FMN1: variants seen among roughly 807,000 people sequenced by gnomAD.
FMN1 encodes the protein formin-1.
In FMN1, 110 loss-of-function variants were observed where a neutral mutation model predicts 132.4. The observed-to-expected ratio is 0.83, with a 90% CI of 0.71 to 0.97. FMN1 has a LOEUF of 0.97. FMN1 is among the 50% of genes least tolerant of loss of function. The pLI, the probability that FMN1 is intolerant of heterozygous loss-of-function variation, is 0.00. For synonymous variants in FMN1, 722 were observed against 651.7 expected, an observed-to-expected ratio of 1.11 and a Z score of -1.64; for missense variants, 1,792 against 1,705.3, an observed-to-expected ratio of 1.05 and a Z score of -0.90.
chr15:32,952,670 T>C (rs1465744853), intron 9 of FMN1, among the ~76,000 whole-genome samples: 1 of 152,196 alleles, frequency 6.6e-6, no homozygotes, highest in African/African-American at 2.4e-5. Flanking sequence ...ATTAACCCCC[T>C]GGTACTTGCA....
chr15:32,936,697 G>C (rs374098522), intron 9 of FMN1, among the ~76,000 whole-genome samples: 2 of 151,834 alleles, frequency 1.3e-5, no homozygotes, highest in African/African-American at 4.8e-5. Context: ...GAAGGAAGGA[G>C]AAGAAAGAAG....
rs116754712 is a variant in FMN1 at position 33,111,807 on chromosome 15, T to A, written c.1868-22833A>T. ...GACGGGGTTGTGGGAAAATGGTGAG[T>A]GACTTCTGATGGTATGGGGGTTTTG... On this transcript the variant is annotated intron_variant, in intron 4 of 20. Coordinates refer to ENST00000616417, the MANE Select transcript of FMN1 (RefSeq NM_001277313.2). Among the ~76,000 whole-genome samples the A allele has an allele frequency of 6.4e-3, 980 of 152,096 alleles. 13 individuals are homozygous for A. The highest frequency in any genetic ancestry group is 0.022 in the African/African-American group (926 of 41,498).
intron 7 of FMN1, among the ~76,000 whole-genome samples, chr15:32,991,309 T>TG (rs1348563271): frequency 2.0e-5 from 3 of 152,216 alleles, no homozygotes; most frequent in African/African-American, 7.2e-5. Context: ...GCCAGCTCCC[T>TG]GCTTTACCTA....
intron 6 of FMN1, among the ~76,000 whole-genome samples, chr15:33,050,941 A>G (rs2036938994): frequency 6.6e-6 from 1 of 152,222 alleles, no homozygotes; most frequent in Non-Finnish European, 1.5e-5. Context: ...ATATGGTAAA[A>G]AGCAGCTCAT....
At chr15:32,973,280 G>T (rs74012415) in intron 7 of FMN1, among the ~76,000 whole-genome samples, 3,407 of 152,154 alleles carry the variant, frequency 0.022, 122 homozygotes, top group African/African-American at 0.074. Context: ...CCCTTCCCCA[G>T]ATATGCCCTG....
At chr15:33,148,594 G>A (rs780357822) in intron 4 of FMN1, among the ~76,000 whole-genome samples, 2 of 152,150 alleles carry the variant, frequency 1.3e-5, no homozygotes, top group Non-Finnish European at 2.9e-5. Flanking sequence ...CTTCCTCTCC[G>A]CTGGGTGTCT....
At chr15:33,115,224 A>C (rs11852764) in intron 4 of FMN1, among the ~76,000 whole-genome samples, 5,410 of 152,292 alleles carry the variant, frequency 0.036, 262 homozygotes, top group African/African-American at 0.1. Context: ...AGAAATAAAG[A>C]GCAGAGTTGC....
chr15:32,922,036 A>G, intron 10 of FMN1, among the ~76,000 whole-genome samples: 1 of 152,158 alleles, frequency 6.6e-6, no homozygotes, highest in Non-Finnish European at 1.5e-5. Flanking sequence ...ATCCTCTCAG[A>G]CTTAATCTTA....
At chr15:32,850,191 C>T (rs2058977055) in intron 17 of FMN1, among the ~76,000 whole-genome samples, 1 of 151,928 alleles carries the variant, frequency 6.6e-6, no homozygotes, top group African/African-American at 2.4e-5. Flanking sequence ...AATTATTTCC[C>T]TCACAGGTTA....
At chr15:33,121,067 T>G (rs1409306943) in intron 4 of FMN1, among the ~76,000 whole-genome samples, 1 of 152,142 alleles carries the variant, frequency 6.6e-6, no homozygotes, top group Non-Finnish European at 1.5e-5. Flanking sequence ...TGGAGAACCT[T>G]CCACATGGGA....
intron 13 of FMN1, among the ~76,000 whole-genome samples, chr15:32,901,254 A>G (rs1482872937): frequency 1.3e-5 from 2 of 152,188 alleles, no homozygotes; most frequent in Non-Finnish European, 2.9e-5. Flanking sequence ...GTGTATAATT[A>G]TATTTCAGTA....
chr15:33,051,701 A>C (rs2036981784), intron 6 of FMN1, among the ~76,000 whole-genome samples: 1 of 152,118 alleles, frequency 6.6e-6, no homozygotes, highest in Non-Finnish European at 1.5e-5. Context: ...GTTAGGGAAA[A>C]ATGCCTCAAG....
At chr15:32,808,318 C>A (rs990261141) in intron 17 of FMN1, among the ~76,000 whole-genome samples, 1 of 152,172 alleles carries the variant, frequency 6.6e-6, no homozygotes, top group Non-Finnish European at 1.5e-5. Context: ...GTGTCATGAG[C>A]CAATCACAGT....
chr15:32,831,250 G>A (rs149440737), intron 17 of FMN1, among the ~76,000 whole-genome samples: 1,972 of 151,614 alleles, frequency 0.013, 17 homozygotes, highest in Non-Finnish European at 0.021. Flanking sequence ...ACAGGGTTTC[G>A]CTGTGTCAAC....
At chr15:33,055,260 T>C (rs1386545089) in intron 6 of FMN1, among the ~76,000 whole-genome samples, 5 of 152,144 alleles carry the variant, frequency 3.3e-5, no homozygotes, top group East Asian at 1.9e-4. Context: ...TTTCAACCAA[T>C]TGCCAATCAA....
In FMN1 at chr15:33,155,063, G is replaced by A. The variant is rs537423561; in HGVS notation, c.-131-18C>T. Reference sequence around the variant, plus strand: ...GAGACTGCCTGTTAGAGGAACAGGGGAAGAAAGCAGCTTGTCTAACAGAGT... The same window carrying A: ...GAGACTGCCTGTTAGAGGAACAGGGAAAGAAAGCAGCTTGTCTAACAGAGT... On this transcript the variant is annotated intron_variant, in intron 3 of 20. Transcript: ENST00000616417. 1.6e-5 allele frequency: 10 copies of A among 623,964 alleles called. No individual in the cohort carries two copies. The highest frequency in any genetic ancestry group is 6.1e-5 in the South Asian group (3 of 49,268). The allele number at this position is 623,964 out of a possible 1,614,324, so 38.7% of individuals were successfully genotyped here.
chr15:32,954,360 T>C (rs1294905640), intron 9 of FMN1, among the ~76,000 whole-genome samples: 1 of 152,194 alleles, frequency 6.6e-6, no homozygotes, highest in Non-Finnish European at 1.5e-5. Context: ...CGCTAAGATA[T>C]TGCTCAATGT....
In FMN1 at chr15:32,935,033, T is replaced by C. The variant is rs11858299; in HGVS notation, c.3139-8772A>G. 5.4e-3 allele frequency among the ~76,000 whole-genome samples: 819 copies of C among 151,896 alleles called. 8 individuals carry two copies. Among genetic ancestry groups the C allele is most frequent in the African/African-American group, 0.019 (794 of 41,400 alleles). On this transcript the variant is annotated intron_variant, in intron 9 of 20. Transcript: ENST00000616417. ...GCCTCCTGAGTTCAAGCGATTCTCCTCCCTCAGCCTCCTGAGTACCTGAGA... is the reference window on the plus strand; with the variant it reads ...GCCTCCTGAGTTCAAGCGATTCTCCCCCCTCAGCCTCCTGAGTACCTGAGA...
chr15:32,904,440 GA>G, intron 12 of FMN1, among the ~76,000 whole-genome samples: 1 of 152,314 alleles, frequency 6.6e-6, no homozygotes, highest in East Asian at 1.9e-4. Context: ...TTTTGTTGTA[GA>G]AAATCTCCAT....
Sources: allele counts gnomAD v4.1 joint callset (sites outside exome capture counted in the v4.1 genomes callset), GRCh38; gene constraint gnomAD v4.1.1; transcripts MANE v1.5; gene names NCBI Gene and HGNC (gene_info 2026-07-23, HGNC 2026-07-21).